HDAC9: variants seen among roughly 807,000 people sequenced by gnomAD.
HDAC9 encodes histone deacetylase 9, also known as MEF-2 interacting transcription repressor (MITR) protein.
Under a neutral mutation model 139.4 loss-of-function variants are expected in HDAC9, and 41 were observed. That is an observed-to-expected ratio of 0.29 (90% CI 0.23 to 0.38). The LOEUF is 0.38. Among genes scored for constraint, HDAC9 ranks in the 10% least tolerant of loss-of-function variants. The probability of loss-of-function intolerance (pLI) is 1.00; values close to 1 mark genes in which losing one functional copy is unlikely to be tolerated. For missense variants in HDAC9, 1,147 were observed against 1,297.0 expected, an observed-to-expected ratio of 0.88 and a Z score of 1.78; for synonymous variants, 517 against 476.2, an observed-to-expected ratio of 1.09 and a Z score of -1.12.
At chr7:18,309,853 A>AT (rs1799184168) in intron 1 of HDAC9, among the ~76,000 whole-genome samples, 1 of 152,220 alleles carries the variant, frequency 6.6e-6, no homozygotes, top group Admixed American at 6.5e-5. Flanking sequence ...TGCTATTATA[A>AT]TAAAAAATAT....
At chr7:18,621,327 A>G (rs918138639) in intron 6 of HDAC9, among the ~76,000 whole-genome samples, 1 of 151,900 alleles carries the variant, frequency 6.6e-6, no homozygotes, top group African/African-American at 2.4e-5. Context: ...AAATTTTCCC[A>G]TTCTTAAAAA....
intron 17 of HDAC9, among the ~76,000 whole-genome samples, chr7:18,815,949 AAAGCAAACTGTCTTTTTAT>A (rs1444439011): frequency 2.7e-4 from 41 of 152,246 alleles, no homozygotes; most frequent in African/African-American, 9.6e-4. Context: ...CATTGATTCT[AAAGCAAACTGTCTTTTTAT>A]AAGGTCTTTT....
chr7:18,490,147 G>A (rs112209599), intron 1 of HDAC9, among the ~76,000 whole-genome samples: 2,041 of 152,114 alleles, frequency 0.013, 45 homozygotes, highest in African/African-American at 0.046. Flanking sequence ...TATTTTTGCT[G>A]TGTAACTCCT....
rs1165364491 is a variant in HDAC9, at chr7:18,567,410, C to G, written c.23-17871C>G. Among the ~76,000 whole-genome samples, 3 of 152,118 alleles carry G rather than the reference C, an allele frequency of 2.0e-5. No homozygotes were observed. The South Asian group carries it at 6.2e-4, about 31-fold the overall frequency. Reference sequence around the variant, plus strand: ...TTTGTTTAACCATGATAATACTTACCTTTTTAGCTTCAAGATTTATAAATT... The same window carrying G: ...TTTGTTTAACCATGATAATACTTACGTTTTTAGCTTCAAGATTTATAAATT... On this transcript the variant is annotated intron_variant, in intron 2 of 25. Transcript: ENST00000686413.
At chr7:18,162,578 A>G (rs1442526618) in intron 2 of HDAC9, 1 of 539,114 alleles carries the variant, frequency 1.9e-6, no homozygotes, top group African/African-American at 1.9e-5. Flanking sequence ...TGAGCATGGG[A>G]CTTTAATTCT....
At chr7:18,987,343 G>A (rs1785448336) in intron 25 of HDAC9, among the ~76,000 whole-genome samples, 1 of 152,058 alleles carries the variant, frequency 6.6e-6, no homozygotes, top group Admixed American at 6.6e-5. Context: ...TTTTGTCTTT[G>A]GTTCTGTTTA....
intron 2 of HDAC9, among the ~76,000 whole-genome samples, chr7:18,560,453 T>C (rs1217207531): frequency 6.6e-6 from 1 of 152,200 alleles, no homozygotes; most frequent in East Asian, 1.9e-4. Flanking sequence ...ACCATTGTGC[T>C]ACCAACATCC....
chr7:18,956,837 G>C (rs867051238), intron 24 of HDAC9, among the ~76,000 whole-genome samples: 5 of 152,120 alleles, frequency 3.3e-5, no homozygotes, highest in African/African-American at 1.2e-4. Context: ...ATCAGGACTA[G>C]CTTCATGGGC....
At chr7:18,189,917 T>TG (rs1425595344) in intron 2 of HDAC9, among the ~76,000 whole-genome samples, 28 of 142,536 alleles carry the variant, frequency 2.0e-4, no homozygotes, top group South Asian at 7.4e-4. Context: ...ATAACTTGTG[T>TG]GTGGTGTGTG....
chr7:18,585,145 G>C, intron 2 of HDAC9, 136 bp from the exon 3 acceptor site: 3 of 921,296 alleles, frequency 3.3e-6, no homozygotes, highest in Non-Finnish European at 3.4e-6. Context: ...TCATTGTAAA[G>C]AAATGGCTAG....
intron 16 of HDAC9, among the ~76,000 whole-genome samples, chr7:18,778,512 C>A (rs1036913442): frequency 2.6e-5 from 4 of 151,888 alleles, no homozygotes; most frequent in African/African-American, 9.7e-5. Flanking sequence ...TTTGAAGCAC[C>A]CTTTACACAG....
chr7:18,511,980 C>G (rs1162007237), intron 2 of HDAC9, among the ~76,000 whole-genome samples: 1 of 140,552 alleles, frequency 7.1e-6, no homozygotes, highest in Admixed American at 7.3e-5. Context: ...GGAAAAAAGT[C>G]TATCAGTGAA....
intron 12 of HDAC9, among the ~76,000 whole-genome samples, chr7:18,705,897 C>T (rs1417231266): frequency 3.4e-5 from 5 of 149,036 alleles, no homozygotes; most frequent in Non-Finnish European, 5.9e-5. Flanking sequence ...ATGGTTCAGA[C>T]CCATAGGCAT....
At chr7:18,273,779 G>A (rs183351014) in intron 2 of HDAC9, among the ~76,000 whole-genome samples, 1 of 152,252 alleles carries the variant, frequency 6.6e-6, no homozygotes, top group East Asian at 1.9e-4. Context: ...TAACACAGTG[G>A]AAGACGGGAC....
chr7:18,097,657 T>C (rs867803741), intron 1 of HDAC9, among the ~76,000 whole-genome samples: 7 of 152,148 alleles, frequency 4.6e-5, no homozygotes, highest in African/African-American at 1.4e-4. Context: ...AGCCTTGAAC[T>C]CCTGGGCTCA....
intron 12 of HDAC9, among the ~76,000 whole-genome samples, chr7:18,720,720 C>T (rs932083938): frequency 6.7e-6 from 1 of 149,202 alleles, no homozygotes; most frequent in African/African-American, 2.5e-5. Context: ...TTCGCTCTGT[C>T]ACTCAGGCTG....
chr7:18,749,208 G>C lies in HDAC9; in HGVS notation c.2043+70G>C, dbSNP rs368901716. 4.7e-4 allele frequency: 698 copies of C among 1,484,952 alleles called. 5 individuals are homozygous for C. The African/African-American group carries it at 8.8e-3, about 19-fold the overall frequency. The allele number at this position is 1,484,952 out of a possible 1,614,324, so 92.0% of individuals were successfully genotyped here. A position where few individuals can be genotyped will look rare whatever the true frequency, so the allele number is the denominator to read the frequency against. ...ATGTAAAGAGGCCAGTATTCATTTGGGGAGTAATAGAAAAATATTAACCAT... is the reference window on the plus strand; with the variant it reads ...ATGTAAAGAGGCCAGTATTCATTTGCGGAGTAATAGAAAAATATTAACCAT... On this transcript the variant is annotated intron_variant, in intron 14 of 25. Transcript: ENST00000686413.
Position 18,599,120 on chromosome 7 carries a change from G to A in HDAC9, c.664+5091G>A, listed in dbSNP as rs142762774. ...TAGGGCCAGAGTTTTAATTTCTGCT[G>A]TTAACTTCATTTTTAAAGTAGCAGA... On this transcript the variant is annotated intron_variant, in intron 6 of 25. Transcript: ENST00000686413. Among the ~76,000 whole-genome samples the A allele has an allele frequency of 8.1e-3, 1,232 of 152,322 alleles. 21 individuals are homozygous for A. Among genetic ancestry groups the A allele is most frequent in the Non-Finnish European group, 6.9e-3 (471 of 68,020 alleles).
chr7:18,510,192 G>A (rs115854359), intron 2 of HDAC9, among the ~76,000 whole-genome samples: 1,845 of 152,230 alleles, frequency 0.012, 22 homozygotes, highest in African/African-American at 0.028. Flanking sequence ...AACAATGTGT[G>A]TATGACCCTT....
Sources: allele counts gnomAD v4.1 joint callset (sites outside exome capture counted in the v4.1 genomes callset), GRCh38; gene constraint gnomAD v4.1.1; transcripts MANE v1.5; gene names NCBI Gene and HGNC (gene_info 2026-07-23, HGNC 2026-07-21).